Variants in DZIP1 observed in about 807,000 individuals in gnomAD.
The protein encoded by DZIP1 is cilium assembly protein DZIP1.
Under a neutral mutation model 107.6 loss-of-function variants are expected in DZIP1, and 97 were observed. The observed-to-expected ratio is 0.90, with a 90% CI of 0.77 to 1.07. DZIP1 has a LOEUF of 1.07. DZIP1 is among the 50% of genes least tolerant of loss of function. The pLI is 0.00. For missense variants in DZIP1, 1,035 were observed against 1,063.6 expected (o/e 0.97, Z 0.37); for synonymous variants, 390 against 386.4 (o/e 1.01, Z -0.11).
intron 14 of DZIP1, among the ~76,000 whole-genome samples, chr13:95,603,782 C>T (rs923940570): frequency 7.2e-5 from 11 of 152,188 alleles, no homozygotes; most frequent in African/African-American, 2.7e-4. Flanking sequence ...CTATCAACTG[C>T]CTTAGGATCA....
At chr13:95,639,645 C>A (rs1878253452) in intron 5 of DZIP1, among the ~76,000 whole-genome samples, 5 of 146,250 alleles carry the variant, frequency 3.4e-5, no homozygotes, top group Non-Finnish European at 7.5e-5. Context: ...AAAATCTTCT[C>A]TTATAACAGC....
At chr13:95,587,340 C>T (rs988308161) in intron 20 of DZIP1, among the ~76,000 whole-genome samples, 199 bp downstream of exon 20, 5 of 152,116 alleles carry the variant, frequency 3.3e-5, no homozygotes, top group East Asian at 1.9e-4. Context: ...ACTAATACAC[C>T]AGGTATCATT....
intron 7 of DZIP1, among the ~76,000 whole-genome samples, chr13:95,628,842 CAG>C (rs1400185425): frequency 6.6e-6 from 1 of 152,040 alleles, no homozygotes; most frequent in Non-Finnish European, 1.5e-5. Flanking sequence ...GGCAAAATCA[CAG>C]AGAGGGAAAG....
intron 19 of DZIP1, among the ~76,000 whole-genome samples, chr13:95,588,323 C>T (rs1456215951): frequency 1.3e-5 from 2 of 152,122 alleles, no homozygotes; most frequent in Admixed American, 6.5e-5. Flanking sequence ...TATGAGATTA[C>T]GTATAAGAAA....
chr13:95,638,350 A>G (rs1873389183), intron 5 of DZIP1, among the ~76,000 whole-genome samples: 2 of 152,108 alleles, frequency 1.3e-5, no homozygotes, highest in African/African-American at 4.8e-5. Context: ...TTGGCCTCCC[A>G]AAGTGCTGGG....
At chr13:95,629,949 G>A (rs892436205) in intron 7 of DZIP1, 40 bp downstream of exon 7, 1 of 1,559,684 alleles carries the variant, frequency 6.4e-7, no homozygotes, top group East Asian at 2.3e-5. Context: ...ATTACATACA[G>A]TTAATTGTAA....
At chr13:95,631,460 C>G (rs1164152662) in intron 6 of DZIP1, among the ~76,000 whole-genome samples, 1 of 151,522 alleles carries the variant, frequency 6.6e-6, no homozygotes, top group Non-Finnish European at 1.5e-5. Flanking sequence ...GGGGGAGATT[C>G]CATCTCAAAA....
At chr13:95,600,783 G>A (rs1456550057) in intron 14 of DZIP1, among the ~76,000 whole-genome samples, 1 of 152,160 alleles carries the variant, frequency 6.6e-6, no homozygotes, top group East Asian at 1.9e-4. Context: ...CTATGACTGA[G>A]TAAAATCACC....
rs1878621890 is a variant in DZIP1 at position 95,642,254 on chromosome 13, A to G, written c.-212-13T>C. The G allele has an allele frequency of 3.9e-6, 2 of 517,842 alleles. No individual in the cohort carries two copies. The highest frequency in any genetic ancestry group is 7.2e-5 in the South Asian group (2 of 27,724). 32.1% of individuals were successfully genotyped at this position (517,842 alleles called of 1,614,324 possible). Reference sequence around the variant, plus strand: ...TGCACCCAGAACCCTGCGGGACCAGAGAAGACCTCTTGGACGAGCCCGAGT... The same window carrying G: ...TGCACCCAGAACCCTGCGGGACCAGGGAAGACCTCTTGGACGAGCCCGAGT... On this transcript the variant is annotated splice_polypyrimidine_tract_variant and intron_variant, in intron 3 of 22. Coordinates refer to ENST00000376829, the MANE Select transcript of DZIP1 (RefSeq NM_198968.4).
chr13:95,613,437 C>T (rs998331736), intron 10 of DZIP1, among the ~76,000 whole-genome samples: 2 of 151,710 alleles, frequency 1.3e-5, no homozygotes, highest in African/African-American at 4.8e-5. Context: ...TTTTGAACCC[C>T]GGAGGCAGAG....
intron 7 of DZIP1, among the ~76,000 whole-genome samples, chr13:95,627,631 G>T (rs1876700094): frequency 6.6e-6 from 1 of 152,176 alleles, no homozygotes; most frequent in South Asian, 2.1e-4. Context: ...TAAGAAAACA[G>T]AAAAGTATAA....
intron 10 of DZIP1, chr13:95,617,827 G>C (rs1875320064): frequency 4.0e-6 from 2 of 494,568 alleles, no homozygotes; most frequent in Admixed American, 4.0e-5. Context: ...TTCAGAAATG[G>C]AGGCTTAGTT....
intron 10 of DZIP1, among the ~76,000 whole-genome samples, chr13:95,616,031 C>G (rs751858455): frequency 6.6e-6 from 1 of 152,086 alleles, no homozygotes; most frequent in Non-Finnish European, 1.5e-5. Context: ...TCCAGGACAC[C>G]AGGACATGAA....
chr13:95,596,310 C>T (rs927790), intron 15 of DZIP1, among the ~76,000 whole-genome samples: 150,543 of 152,194 alleles, frequency 0.99, 74,480 homozygotes, highest in Middle Eastern at 1. Context: ...AACAAGCAGA[C>T]GCCCAGGCTA....
intron 20 of DZIP1, 26 bp downstream of exon 20, chr13:95,587,513 G>T: frequency 6.2e-7 from 1 of 1,610,326 alleles, no homozygotes; most frequent in Middle Eastern, 1.7e-4. Flanking sequence ...ACAGTTTCCA[G>T]AGAGTTTTCC....
Position 95,582,134 on chromosome 13 carries a change from C to T in DZIP1, c.*100G>A. 2.7e-6 allele frequency: 3 copies of T among 1,128,292 alleles called. No homozygotes were observed. Among genetic ancestry groups the T allele is most frequent in the Non-Finnish European group, 4.0e-6 (3 of 748,554 alleles). The allele number at this position is 1,128,292 out of a possible 1,614,324, so 69.9% of individuals were successfully genotyped here. ...TCAGTCTCTGTGTTGCTGTGGGAAACACGGTAAGGCAGAAGCACTAGAATC... is the reference window on the plus strand; with the variant it reads ...TCAGTCTCTGTGTTGCTGTGGGAAATACGGTAAGGCAGAAGCACTAGAATC... On this transcript the variant is annotated 3_prime_UTR_variant, in exon 23 of 23. Coordinates refer to ENST00000376829, the MANE Select transcript of DZIP1 (RefSeq NM_198968.4).
At chr13:95,632,594 T>C (rs1421684425) in intron 6 of DZIP1, among the ~76,000 whole-genome samples, 1 of 152,152 alleles carries the variant, frequency 6.6e-6, no homozygotes, top group African/African-American at 2.4e-5. Flanking sequence ...AGGGTCATGC[T>C]AAGGTACACA....
chr13:95,618,362 T>C (rs1020475084), intron 10 of DZIP1, among the ~76,000 whole-genome samples: 1 of 152,188 alleles, frequency 6.6e-6, no homozygotes, highest in Non-Finnish European at 1.5e-5. Flanking sequence ...TATAAACTAC[T>C]GTATATGTGT....
intron 7 of DZIP1, among the ~76,000 whole-genome samples, chr13:95,626,615 T>A (rs1594723418): frequency 6.6e-6 from 1 of 152,010 alleles, no homozygotes; most frequent in African/African-American, 2.4e-5. Flanking sequence ...CCAACTATTT[T>A]AAAAAAATAA....
Sources: gnomAD v4.1 joint callset for allele counts (sites outside exome capture counted in the v4.1 genomes callset) on GRCh38, gnomAD v4.1.1 for gene constraint, MANE v1.5 for transcripts, NCBI Gene and HGNC (gene_info 2026-07-23, HGNC 2026-07-21) for gene names.